The following DENND4B variants were observed in gnomAD, a reference collection of about 807,000 sequenced individuals.
DENND4B encodes DENN domain containing 4B.
DENND4B carries 67 observed loss-of-function variants against 161.0 expected under a neutral mutation model. The ratio of observed to expected loss-of-function variants is 0.42; its 90% CI spans 0.34 to 0.51. The LOEUF (loss-of-function observed/expected upper bound fraction) is 0.51. DENND4B is among the 20% of genes least tolerant of loss of function. The probability of loss-of-function intolerance (pLI) is 0.08; values close to 1 mark genes in which losing one functional copy is unlikely to be tolerated. For missense variants in DENND4B, 1,481 were observed against 1,968.0 expected (o/e 0.75, Z 4.68); for synonymous variants, 753 against 813.8 (o/e 0.93, Z 1.27).
chr1:153,933,652 C>T lies in DENND4B; in HGVS notation c.3161G>A (p.Arg1054Gln). ...GGRQDEAGTPRRGLGARLQQL... is the reference protein window; with the variant it reads ...GGRQDEAGTPQRGLGARLQQL... ...TTGGAGGCGGGCACCCAGCCCTCGT[C>T]GGGGGGTGCCTGCCTCATCCTGTCG... Residue 1054 changes from arginine (R) to glutamine (Q), a missense_variant, in exon 20 of 28, where the codon CGA becomes CAA. Around this residue, in one of 3 missense-constraint regions of DENND4B, gnomAD observed 339 missense variants for 330.3 expected, o/e 1.03. Transcript: ENST00000361217. This position sits in a 1 kb window ranked among gnomAD's most constrained non-coding sequence, Gnocchi z 5.7. 4.5e-6 allele frequency: 7 copies of T among 1,566,058 alleles called. No homozygotes were observed. Among genetic ancestry groups the T allele is most frequent in the Non-Finnish European group, 4.3e-6 (5 of 1,157,692 alleles).
chr1:153,938,976 G>A lies in DENND4B; in HGVS notation c.1889C>T (p.Ser630Leu), dbSNP rs1571049567. Residue 630 changes from serine to leucine, a missense_variant, in exon 13 of 28, where the codon TCA (serine) becomes TTA (leucine). Around this residue, in one of 3 missense-constraint regions of DENND4B, gnomAD observed 806 missense variants for 1,134.4 expected, o/e 0.71. Transcript: ENST00000361217. ...AAAAGAGCACTCCTCAATGAACTGT[G>A]AGAACATCTGTGTGTGCAGCAGCTG... is the stretch of plus-strand genomic sequence containing the variant. The part of the protein sequence containing the change: ...YSQLLHTQMF[S>L]QFIEECSFGS... 6.2e-7 allele frequency: 1 copy of A among 1,611,600 alleles called. No individual in the cohort carries two copies. Among genetic ancestry groups the A allele is most frequent in the Non-Finnish European group, 8.5e-7 (1 of 1,178,904 alleles).
At position 153,942,368 on chromosome 1, in the gene DENND4B, G is replaced by T. The variant is rs1471467160; in HGVS notation, c.641-12C>A. 1 of 1,607,450 alleles carries T rather than the reference G, an allele frequency of 6.2e-7. No homozygotes were observed. The highest frequency in any genetic ancestry group is 1.7e-5 in the Admixed American group (1 of 59,508). Reference sequence around the variant, plus strand: ...GCGGCCCAGCAGCTCTGCACCCCCAGCATAGTTGGGGGTACCCAAAAGGAG... The same window carrying T: ...GCGGCCCAGCAGCTCTGCACCCCCATCATAGTTGGGGGTACCCAAAAGGAG... On this transcript the variant is annotated splice_polypyrimidine_tract_variant and intron_variant, in intron 4 of 27. Coordinates refer to ENST00000361217, the MANE Select transcript of DENND4B (RefSeq NM_014856.3). The surrounding 1 kb of genome is among the most constrained non-coding windows in gnomAD (Gnocchi z 6.9).
At chr1:153,935,721 TCTC>T (rs1008675111) in intron 17 of DENND4B, 181 of 279,530 alleles carry the variant, frequency 6.5e-4, no homozygotes, top group African/African-American at 3.9e-3. Flanking sequence ...TACAACCTCA[TCTC>T]CTCTTCTATA....
chr1:153,940,100 T>C lies in DENND4B; in HGVS notation c.1603+56A>G. ...TAGCTCCCCACAGACCTCTGCAAAC[T>C]GGAGGTTTGAGGGCAATGACAGTTC... On this transcript the variant is annotated intron_variant, in intron 11 of 27. Transcript: ENST00000361217. The surrounding 1 kb of genome is among the most constrained non-coding windows in gnomAD (Gnocchi z 5.6). 7.0e-7 allele frequency: 1 copy of C among 1,423,676 alleles called. No homozygotes were observed. Among genetic ancestry groups the C allele is most frequent in the Non-Finnish European group, 9.5e-7 (1 of 1,052,724 alleles). The allele number at this position is 1,423,676 out of a possible 1,614,324, so 88.2% of individuals were successfully genotyped here.
At position 153,942,678 on chromosome 1, in the gene DENND4B, G is replaced by A; in HGVS notation, c.571-53C>T. On this transcript the variant is annotated intron_variant, in intron 3 of 27. Coordinates refer to ENST00000361217, the MANE Select transcript of DENND4B (RefSeq NM_014856.3). The surrounding 1 kb of genome is among the most constrained non-coding windows in gnomAD (Gnocchi z 6.9). ...AGATACATAGCTAACAAAGGTTTCT[G>A]GGGTCCACTTTCTCTCTACCACCCC... is the stretch of plus-strand genomic sequence containing the variant. 1 of 1,519,558 alleles carries A rather than the reference G, an allele frequency of 6.6e-7. No individual in the cohort carries two copies. 94.1% of individuals were successfully genotyped at this position (1,519,558 alleles called of 1,614,324 possible). A position where few individuals can be genotyped will look rare whatever the true frequency, so the allele number is the denominator to read the frequency against.
chr1:153,933,419 C>A lies in DENND4B; in HGVS notation c.3330+64G>T. 1 of 1,600,508 alleles carries A rather than the reference C, an allele frequency of 6.2e-7. No individual in the cohort carries two copies. The highest frequency in any genetic ancestry group is 8.5e-7 in the Non-Finnish European group (1 of 1,173,474). On this transcript the variant is annotated intron_variant, in intron 20 of 27. Coordinates refer to ENST00000361217, the MANE Select transcript of DENND4B (RefSeq NM_014856.3). This position sits in a 1 kb window ranked among gnomAD's most constrained non-coding sequence, Gnocchi z 5.7. ...CAGAGCCCCCTTTTTGAGCATTCTT[C>A]CAGTCGTAGCCCCTCCCCAAGCCCA...
chr1:153,938,455 C>T (rs1470722640), intron 13 of DENND4B, among the ~76,000 whole-genome samples: 2 of 148,274 alleles, frequency 1.3e-5, no homozygotes, highest in East Asian at 4.0e-4. Context: ...GTAATCCCAG[C>T]ACCTTGGGAG....
In DENND4B at chr1:153,934,723, C is replaced by T; in HGVS notation, c.2773+37G>A. ...GCCTTTCCCTGCCTGAGCCCAGCTA[C>T]TCCATCCCCAAGCCTGTCTCACCAG... is the stretch of plus-strand genomic sequence containing the variant. On this transcript the variant is annotated intron_variant, in intron 18 of 27. Transcript: ENST00000361217. This position sits in a 1 kb window ranked among gnomAD's most constrained non-coding sequence, Gnocchi z 5.3. 6.3e-7 allele frequency: 1 copy of T among 1,587,168 alleles called. No individual in the cohort carries two copies. The highest frequency in any genetic ancestry group is 8.6e-7 in the Non-Finnish European group (1 of 1,168,306).
At position 153,946,305 on chromosome 1, in the gene DENND4B, C is replaced by T. The variant is rs1414981418; in HGVS notation, c.-28G>A. 3 of 356,684 alleles carry T rather than the reference C, an allele frequency of 8.4e-6. No individual in the cohort carries two copies. Among genetic ancestry groups the T allele is most frequent in the Non-Finnish European group, 1.0e-5 (2 of 198,996 alleles). 22.1% of individuals were successfully genotyped at this position (356,684 alleles called of 1,614,324 possible). A position where few individuals can be genotyped will look rare whatever the true frequency, so the allele number is the denominator to read the frequency against. On this transcript the variant is annotated 5_prime_UTR_variant, in exon 1 of 28. Transcript: ENST00000361217. The surrounding 1 kb of genome is among the most constrained non-coding windows in gnomAD (Gnocchi z 6.3). Reference sequence around the variant, plus strand: ...CCCGGTCCAGCCCCTACCTGCCTGTCCCGCGCTTCCCGGCCGGCCGGCCCG... The same window carrying T: ...CCCGGTCCAGCCCCTACCTGCCTGTTCCGCGCTTCCCGGCCGGCCGGCCCG...
In DENND4B at chr1:153,932,716, G is replaced by A. The variant is rs985239221; in HGVS notation, c.3685C>T (p.Pro1229Ser). The change falls in exon 23 of 28, where the codon CCT becomes TCT. Residue 1229 changes from proline to serine, a missense_variant. This residue lies in a region of DENND4B where 336 missense variants were observed against 503.3 expected (regional missense o/e 0.67). Coordinates refer to ENST00000361217, the MANE Select transcript of DENND4B (RefSeq NM_014856.3). This position sits in a 1 kb window ranked among gnomAD's most constrained non-coding sequence, Gnocchi z 5.8. ...CTTCGGTCACTGAGCACAGGGCCAG[G>A]ACCACCAGGGACAGGAGCATCTTTG... ...GSKDAPVPGGPGPVLSDRRLC... is the reference protein window; with the variant it reads ...GSKDAPVPGGSGPVLSDRRLC... The A allele has an allele frequency of 3.7e-6, 6 of 1,613,922 alleles. No homozygotes were observed. The Admixed American group carries it at 5.0e-5, about 13-fold the overall frequency.
rs150354879 is a variant in DENND4B, at chr1:153,935,884, C to G, written c.2568+176G>C. The G allele has an allele frequency of 4.1e-5, 30 of 735,306 alleles. No homozygotes were observed. In the South Asian group the frequency reaches 5.6e-4, roughly 14 times the overall value. 45.5% of individuals were successfully genotyped at this position (735,306 alleles called of 1,614,324 possible). Reference sequence around the variant, plus strand: ...TCATGAGTGGGAATCAAAGCAGCCTCGTCTGAGAAACTGTAGGTGCTAAGG... The same window carrying G: ...TCATGAGTGGGAATCAAAGCAGCCTGGTCTGAGAAACTGTAGGTGCTAAGG... On this transcript the variant is annotated intron_variant, in intron 17 of 27. Transcript: ENST00000361217.
chr1:153,945,391 C>T (rs990046640), intron 1 of DENND4B: 12 of 315,788 alleles, frequency 3.8e-5, no homozygotes, highest in Middle Eastern at 1.0e-3. Context: ...CACAGCATTA[C>T]GCCAAGTTGG....
chr1:153,932,711 G>A lies in DENND4B; in HGVS notation c.3690C>T (p.Gly1230=), dbSNP rs372755671. The A allele has an allele frequency of 3.2e-5, 52 of 1,613,920 alleles. No homozygotes were observed. The highest frequency in any genetic ancestry group is 8.3e-5 in the Admixed American group (5 of 60,006). Residue 1230 remains glycine (G), a synonymous_variant, in exon 23 of 28, where the codon GGC becomes GGT. Coordinates refer to ENST00000361217, the MANE Select transcript of DENND4B (RefSeq NM_014856.3). This position sits in a 1 kb window ranked among gnomAD's most constrained non-coding sequence, Gnocchi z 5.8. ...AGAGCCTTCGGTCACTGAGCACAGG[G>A]CCAGGACCACCAGGGACAGGAGCAT... ...SKDAPVPGGP[G]PVLSDRRLCL...
In DENND4B at chr1:153,934,901, G is replaced by A. The variant is rs747218312; in HGVS notation, c.2632C>T (p.Arg878Trp). Reference sequence around the variant, plus strand: ...TGAGCAGCCCCCAGGACAACATTCCGGAGCTTGGCCCAGCGCAGACGCCCA... The same window carrying A: ...TGAGCAGCCCCCAGGACAACATTCCAGAGCTTGGCCCAGCGCAGACGCCCA... ...PGGRLRWAKL[R>W]NVVLGAAQFR... is the part of the protein sequence containing the mutation. Residue 878 changes from arginine to tryptophan, a missense_variant, in exon 18 of 28, where the codon CGG becomes TGG. Physicochemically the swap from Arg to Trp is moderately radical, Grantham distance 101. Coordinates refer to ENST00000361217, the MANE Select transcript of DENND4B (RefSeq NM_014856.3). This position sits in a 1 kb window ranked among gnomAD's most constrained non-coding sequence, Gnocchi z 5.3. 2 of 1,613,550 alleles carry A rather than the reference G, an allele frequency of 1.2e-6. No homozygotes were observed. The highest frequency in any genetic ancestry group is 1.1e-5 in the South Asian group (1 of 91,090).
rs1571024994 is a variant in DENND4B at position 153,930,193 on chromosome 1, C to G, written c.*104G>C. On this transcript the variant is annotated 3_prime_UTR_variant, in exon 28 of 28. Transcript: ENST00000361217. The surrounding 1 kb of genome is among the most constrained non-coding windows in gnomAD (Gnocchi z 4.7). ...GGAGCCTTTGACTGGGCATCCTTCCCAGCCTGTTCCCAACTCCATGAAGGC... is the reference window on the plus strand; with the variant it reads ...GGAGCCTTTGACTGGGCATCCTTCCGAGCCTGTTCCCAACTCCATGAAGGC... 22 of 1,419,436 alleles carry G rather than the reference C, an allele frequency of 1.5e-5. No individual in the cohort carries two copies. The East Asian group carries it at 5.4e-4, about 35-fold the overall frequency. The allele number at this position is 1,419,436 out of a possible 1,614,324, so 87.9% of individuals were successfully genotyped here. A position where few individuals can be genotyped will look rare whatever the true frequency, so the allele number is the denominator to read the frequency against.
At position 153,934,675 on chromosome 1, in the gene DENND4B, T is replaced by C; in HGVS notation, c.2773+85A>G. ...ATCCCCAGAAACCCAATGCCAACCATTAGACCAGCCCCAACTCTCTATGCC... is the reference window on the plus strand; with the variant it reads ...ATCCCCAGAAACCCAATGCCAACCACTAGACCAGCCCCAACTCTCTATGCC... On this transcript the variant is annotated intron_variant, in intron 18 of 27. Transcript: ENST00000361217. This position sits in a 1 kb window ranked among gnomAD's most constrained non-coding sequence, Gnocchi z 5.3. The C allele has an allele frequency of 1.3e-6, 2 of 1,523,656 alleles. No homozygotes were observed. Among genetic ancestry groups the C allele is most frequent in the Non-Finnish European group, 1.8e-6 (2 of 1,135,094 alleles). 94.4% of individuals were successfully genotyped at this position (1,523,656 alleles called of 1,614,324 possible).
chr1:153,938,714 T>C (rs1395728697), intron 13 of DENND4B, among the ~76,000 whole-genome samples, 186 bp downstream of exon 13: 2 of 145,070 alleles, frequency 1.4e-5, no homozygotes, highest in Admixed American at 6.8e-5. Context: ...AAAAAAAAAA[T>C]GAAAAATAAG....
chr1:153,941,355 C>G lies in DENND4B; in HGVS notation c.1122+19G>C. ...AACTCCCCTCCTTCCATCAGCCCGG[C>G]CCCAGCCTCAGCTCTCACCTGCACT... On this transcript the variant is annotated intron_variant, in intron 7 of 27. Transcript: ENST00000361217. 2 of 1,613,524 alleles carry G rather than the reference C, an allele frequency of 1.2e-6. No homozygotes were observed. The highest frequency in any genetic ancestry group is 1.7e-6 in the Non-Finnish European group (2 of 1,179,728).
rs12096341 is a variant in DENND4B at position 153,946,692 on chromosome 1, C to T, written c.-415G>A. On this transcript the variant is annotated 5_prime_UTR_variant, in exon 1 of 28. Coordinates refer to ENST00000361217, the MANE Select transcript of DENND4B (RefSeq NM_014856.3). The surrounding 1 kb of genome is among the most constrained non-coding windows in gnomAD (Gnocchi z 6.3). ...GCTACCCCCACCCCTCCTCCTCGGC[C>T]GGCGGCCGTGACCCTGGCAAGCGTC... The T allele has an allele frequency of 1.1e-5, 4 of 376,796 alleles. No homozygotes were observed. The highest frequency in any genetic ancestry group is 1.9e-5 in the Non-Finnish European group (4 of 212,296). 23.3% of individuals were successfully genotyped at this position (376,796 alleles called of 1,614,324 possible).
Sources: allele counts gnomAD v4.1 joint callset (sites outside exome capture counted in the v4.1 genomes callset), GRCh38; gene constraint gnomAD v4.1.1; regional missense constraint gnomAD v4.1.1; non-coding constraint Gnocchi (gnomAD v3.1); transcripts MANE v1.5; gene names NCBI Gene and HGNC (gene_info 2026-07-23, HGNC 2026-07-21).